The following STAT5A variants were observed in gnomAD, a reference collection of about 807,000 sequenced individuals.
STAT5A encodes epididymis secretory sperm binding protein.
STAT5A carries 26 observed loss-of-function variants against 100.2 expected under a neutral mutation model. That is an observed-to-expected ratio of 0.26 (90% CI 0.19 to 0.36). The LOEUF (loss-of-function observed/expected upper bound fraction) is 0.36, where lower values mean the gene tolerates loss of function less well. Ranked by LOEUF, STAT5A falls within the 10% of genes least tolerant of loss-of-function variation. STAT5A has a pLI of 1.00. For missense variants in STAT5A, 634 were observed against 1,027.5 expected (o/e 0.62, Z 5.24); for synonymous variants, 330 against 424.3 (o/e 0.78, Z 2.73).
At chr17:42,299,435 T>A (rs2080952928) in intron 5 of STAT5A, among the ~76,000 whole-genome samples, 1 of 152,220 alleles carries the variant, frequency 6.6e-6, no homozygotes, top group East Asian at 1.9e-4. Context: ...GGACCCATGC[T>A]GGGACGCGAG....
chr17:42,298,028 C>T (rs1398349974), intron 5 of STAT5A, among the ~76,000 whole-genome samples: 1 of 129,126 alleles, frequency 7.7e-6, no homozygotes, highest in Non-Finnish European at 1.6e-5. Context: ...GTGGTGGAGA[C>T]GGGCTGTCGC....
intron 9 of STAT5A, among the ~76,000 whole-genome samples, chr17:42,303,744 G>A (rs1351177923): frequency 6.6e-6 from 1 of 152,102 alleles, no homozygotes; most frequent in Non-Finnish European, 1.5e-5. Context: ...ATCTGCTAGC[G>A]TTGGAGATGT....
intron 5 of STAT5A, among the ~76,000 whole-genome samples, chr17:42,297,273 A>C (rs1377172878): frequency 1.3e-5 from 2 of 152,156 alleles, no homozygotes; most frequent in Non-Finnish European, 2.9e-5. Context: ...ATTTCCCCTC[A>C]TCTGAATCTA....
chr17:42,293,656 C>A (rs1243211239), intron 4 of STAT5A, among the ~76,000 whole-genome samples: 2 of 152,184 alleles, frequency 1.3e-5, no homozygotes, highest in Non-Finnish European at 2.9e-5. Flanking sequence ...GTGATGGATT[C>A]TCTAGAGATG....
At chr17:42,306,971 C>G (rs577416826) in intron 13 of STAT5A, among the ~76,000 whole-genome samples, 10 of 152,006 alleles carry the variant, frequency 6.6e-5, no homozygotes, top group Non-Finnish European at 1.0e-4. Flanking sequence ...CCGCCCACCT[C>G]GGCCTCCCAA....
intron 13 of STAT5A, 70 bp downstream of exon 13, chr17:42,306,517 G>A: frequency 6.4e-7 from 1 of 1,555,940 alleles, no homozygotes; most frequent in Non-Finnish European, 8.7e-7. Flanking sequence ...CTCACAGACA[G>A]GTTACTGCCT....
rs751244334 is a variant in STAT5A at position 42,308,336 on chromosome 17, G to A, written c.2062+3G>A. The A allele has an allele frequency of 4.3e-6, 7 of 1,614,042 alleles. No individual in the cohort carries two copies. The highest frequency in any genetic ancestry group is 5.9e-6 in the Non-Finnish European group (7 of 1,180,028). ...CAAGTACTACACTCCTGTGCTGGGT[G>A]GGTACTGCCCCAGGACCCTGCCGGC... On this transcript the variant is annotated splice_donor_region_variant and intron_variant, in intron 16 of 18. Coordinates refer to ENST00000590949, the MANE Select transcript of STAT5A (RefSeq NM_001288718.2). The surrounding 1 kb of genome is among the most constrained non-coding windows in gnomAD (Gnocchi z 4.6).
At chr17:42,309,251 C>T in intron 17 of STAT5A, 126 bp from the exon 18 acceptor site, 2 of 1,542,426 alleles carry the variant, frequency 1.3e-6, no homozygotes, top group African/African-American at 1.4e-5. Flanking sequence ...GCTGGAGCCC[C>T]AGGGCCGAGT....
rs560964758 is a variant in STAT5A at position 42,299,404 on chromosome 17, C to T, written c.551-347C>T. On this transcript the variant is annotated intron_variant, in intron 5 of 18. Transcript: ENST00000590949. ...TCACCTGCAGTCAAGGGCATGGGCA[C>T]ACTTACACCCCAGACAGCCTGGACC... 3.9e-5 allele frequency among the ~76,000 whole-genome samples: 6 copies of T among 152,340 alleles called. No homozygotes were observed. In the South Asian group the frequency reaches 8.3e-4, roughly 21 times the overall value.
chr17:42,295,686 T>C lies in STAT5A; in HGVS notation c.443T>C (p.Phe148Ser), dbSNP rs145589652. The part of the protein sequence containing the change: ...SQKHLQINQT[F>S]EELRLVTQDT... Reference sequence around the variant, plus strand: ...AAGCACCTTCAGATCAACCAGACATTTGAGGAGCTGCGACTGGTCACGCAG... The same window carrying C: ...AAGCACCTTCAGATCAACCAGACATCTGAGGAGCTGCGACTGGTCACGCAG... Residue 148 changes from phenylalanine (F) to serine (S), a missense_variant, in exon 5 of 19, where the codon TTT becomes TCT. By Grantham distance (155) the Phe-to-Ser change is radical. Coordinates refer to ENST00000590949, the MANE Select transcript of STAT5A (RefSeq NM_001288718.2). 4.3e-6 allele frequency: 7 copies of C among 1,613,916 alleles called. No individual in the cohort carries two copies. Among genetic ancestry groups the C allele is most frequent in the Non-Finnish European group, 5.9e-6 (7 of 1,179,948 alleles).
intron 13 of STAT5A, 60 bp from the exon 14 acceptor site, chr17:42,307,342 T>G (rs773110470): frequency 3.2e-6 from 5 of 1,570,622 alleles, no homozygotes; most frequent in Non-Finnish European, 4.3e-6. Context: ...GGCCCTGACT[T>G]TCCTGGGCCA....
At chr17:42,307,331 G>A (rs2081038410) in intron 13 of STAT5A, 71 bp from the exon 14 acceptor site, 2 of 1,495,216 alleles carry the variant, frequency 1.3e-6, no homozygotes, top group Admixed American at 3.7e-5. Context: ...GGGGGCAGGA[G>A]GGCCCTGACT....
Position 42,300,881 on chromosome 17 carries a change from C to T in STAT5A, c.989+11C>T. The stretch of plus-strand genomic sequence containing the variant: ...AGCCCTGGTGACCAGGTGACTGCTG[C>T]CTGTTTGCCATGCCCAGGAGCTTGG... On this transcript the variant is annotated intron_variant, in intron 8 of 18. Transcript: ENST00000590949. The T allele has an allele frequency of 6.2e-7, 1 of 1,611,224 alleles. No individual in the cohort carries two copies. The highest frequency in any genetic ancestry group is 8.5e-7 in the Non-Finnish European group (1 of 1,178,840).
intron 9 of STAT5A, among the ~76,000 whole-genome samples, chr17:42,302,266 C>T (rs753043113): frequency 6.6e-6 from 1 of 152,204 alleles, no homozygotes; most frequent in South Asian, 2.1e-4. Context: ...GCTGTCTTCT[C>T]GCCCAGCCCC....
In STAT5A at chr17:42,308,593, G is replaced by T; in HGVS notation, c.2062+260G>T. 1 of 553,526 alleles carries T rather than the reference G, an allele frequency of 1.8e-6. No individual in the cohort carries two copies. Among genetic ancestry groups the T allele is most frequent in the Non-Finnish European group, 3.2e-6 (1 of 311,358 alleles). 34.3% of individuals were successfully genotyped at this position (553,526 alleles called of 1,614,324 possible). On this transcript the variant is annotated intron_variant, in intron 16 of 18. Coordinates refer to ENST00000590949, the MANE Select transcript of STAT5A (RefSeq NM_001288718.2). The surrounding 1 kb of genome is among the most constrained non-coding windows in gnomAD (Gnocchi z 4.6). ...CACTTCTGCACCCTCGGAGGAAGGG[G>T]TGGCAGCACTGTAGGGAGTGGCCGG...
intron 18 of STAT5A, 37 bp downstream of exon 18, chr17:42,309,521 C>G: frequency 6.2e-7 from 1 of 1,601,956 alleles, no homozygotes; most frequent in Non-Finnish European, 8.5e-7. Context: ...AGGGGAAGAA[C>G]TGGGGACTTG....
At position 42,289,260 on chromosome 17, in the gene STAT5A, C is replaced by G. The variant is rs2080845061; in HGVS notation, c.-10-142C>G. 6.3e-6 allele frequency: 6 copies of G among 955,204 alleles called. No homozygotes were observed. In the South Asian group the frequency reaches 1.0e-4, roughly 16 times the overall value. 59.2% of individuals were successfully genotyped at this position (955,204 alleles called of 1,614,324 possible). ...CCCTCCACTCCTCACCATCTCTGTTCCCGCACAGGAAAGCTATCTGTGGGA... is the reference window on the plus strand; with the variant it reads ...CCCTCCACTCCTCACCATCTCTGTTGCCGCACAGGAAAGCTATCTGTGGGA... On this transcript the variant is annotated intron_variant, in intron 1 of 18. Coordinates refer to ENST00000590949, the MANE Select transcript of STAT5A (RefSeq NM_001288718.2).
chr17:42,303,574 G>C (rs2081001346), intron 9 of STAT5A, among the ~76,000 whole-genome samples: 1 of 152,154 alleles, frequency 6.6e-6, no homozygotes, highest in African/African-American at 2.4e-5. Flanking sequence ...GCCAGGTATG[G>C]TTGTGTGCGC....
intron 2 of STAT5A, 59 bp downstream of exon 2, chr17:42,289,598 C>T (rs2080850187): frequency 6.3e-7 from 1 of 1,576,728 alleles, no homozygotes; most frequent in African/African-American, 1.4e-5. Context: ...GCCCTTTGGC[C>T]TCTAGTTTTA....
Sources: allele counts gnomAD v4.1 joint callset (sites outside exome capture counted in the v4.1 genomes callset), GRCh38; gene constraint gnomAD v4.1.1; non-coding constraint Gnocchi (gnomAD v3.1); transcripts MANE v1.5; gene names NCBI Gene and HGNC (gene_info 2026-07-23, HGNC 2026-07-21).